The following LHFPL2 variants were observed in gnomAD, a reference collection of about 807,000 sequenced individuals.
The protein encoded by LHFPL2 is LHFPL tetraspan subfamily member 2 protein.
LHFPL2 carries 7 observed loss-of-function variants against 17.5 expected under a neutral mutation model. That is an observed-to-expected ratio of 0.40 (90% confidence interval 0.23 to 0.75). The LOEUF (loss-of-function observed/expected upper bound fraction) is 0.75, where lower values mean the gene tolerates loss of function less well. Among genes scored for constraint, LHFPL2 ranks in the 30% least tolerant of loss-of-function variants. The pLI, the probability that LHFPL2 is intolerant of heterozygous loss-of-function variation, is 0.37. For missense variants in LHFPL2, 241 were observed against 294.8 expected (o/e 0.82, Z 1.34); for synonymous variants, 134 against 116.2 (o/e 1.15, Z -0.99).
intron 4 of LHFPL2, among the ~76,000 whole-genome samples, chr5:78,498,792 G>A (rs1443008367): frequency 3.3e-5 from 5 of 152,168 alleles, no homozygotes; most frequent in Admixed American, 6.5e-5. Context: ...AATGTCTTGG[G>A]TAAAAATAAT....
At chr5:78,608,699 G>A (rs1272677453) in intron 2 of LHFPL2, among the ~76,000 whole-genome samples, 8 of 152,086 alleles carry the variant, frequency 5.3e-5, no homozygotes, top group African/African-American at 9.7e-5. Context: ...TTGGGAGGCC[G>A]AGGGAGGTGG....
intron 3 of LHFPL2, among the ~76,000 whole-genome samples, chr5:78,545,800 C>T (rs1004778362): frequency 6.6e-6 from 1 of 152,168 alleles, no homozygotes; most frequent in African/African-American, 2.4e-5. Flanking sequence ...CTAAGACACT[C>T]GCCTGAACAA....
intron 2 of LHFPL2, among the ~76,000 whole-genome samples, chr5:78,597,140 G>A (rs1476212529): frequency 6.6e-6 from 1 of 152,200 alleles, no homozygotes; most frequent in Non-Finnish European, 1.5e-5. Context: ...GTAAGGTCTG[G>A]TGGGGCTGGG....
At chr5:78,528,048 A>G (rs1755671640) in intron 3 of LHFPL2, among the ~76,000 whole-genome samples, 1 of 152,220 alleles carries the variant, frequency 6.6e-6, no homozygotes, top group Non-Finnish European at 1.5e-5. Context: ...TCTGTCTAAA[A>G]TTGGATCTCT....
At position 78,581,869 on chromosome 5, in the gene LHFPL2, C is replaced by A. The variant is rs190422603; in HGVS notation, c.-244-16998G>T. 1.8e-3 allele frequency among the ~76,000 whole-genome samples: 276 copies of A among 152,316 alleles called. 3 individuals carry two copies. The highest frequency in any genetic ancestry group is 0.012 in the Admixed American group (187 of 15,298). ...GGAATAGTTTCAGAAGGAGTGGTAC[C>A]AGTTCCTCCTTGTACCTCTGGTAGA... On this transcript the variant is annotated intron_variant, in intron 2 of 4. Transcript: ENST00000380345.
rs568595360 is a variant in LHFPL2 at position 78,549,664 on chromosome 5, C to T, written c.-186+15149G>A. On this transcript the variant is annotated intron_variant, in intron 3 of 4. Coordinates refer to ENST00000380345, the MANE Select transcript of LHFPL2 (RefSeq NM_005779.3). The stretch of plus-strand genomic sequence containing the variant: ...TTCATCAGGAGTAAGTTTATAGAGG[C>T]GGAGGAAGACCACTTTCCTGTAACA... 8.7e-4 allele frequency among the ~76,000 whole-genome samples: 133 copies of T among 152,274 alleles called. 1 individual carries two copies. Among genetic ancestry groups the T allele is most frequent in the Non-Finnish European group, 1.6e-3 (111 of 68,026 alleles).
chr5:78,562,134 C>G (rs144555190), intron 3 of LHFPL2, among the ~76,000 whole-genome samples: 282 of 152,326 alleles, frequency 1.9e-3, no homozygotes, highest in African/African-American at 6.4e-3. Context: ...AGAGGAACAC[C>G]TGCTGTTTAC....
intron 3 of LHFPL2, among the ~76,000 whole-genome samples, chr5:78,557,916 T>A (rs989389514): frequency 1.3e-5 from 2 of 152,160 alleles, no homozygotes; most frequent in African/African-American, 2.4e-5. Flanking sequence ...GACTAACGGT[T>A]CCACCCAGCA....
chr5:78,504,109 A>C (rs562827596), intron 4 of LHFPL2, among the ~76,000 whole-genome samples: 24 of 152,306 alleles, frequency 1.6e-4, no homozygotes, highest in African/African-American at 5.8e-4. Context: ...TCAGACACGG[A>C]ACTGTTGGAC....
chr5:78,611,420 T>G (rs1744419582), intron 2 of LHFPL2, among the ~76,000 whole-genome samples: 1 of 152,204 alleles, frequency 6.6e-6, no homozygotes, highest in African/African-American at 2.4e-5. Flanking sequence ...CCTATGAGGT[T>G]TCTGGGCTCC....
rs531939504 is a variant in LHFPL2, at chr5:78,535,495, CT to C, written c.-185-25098del. ...GAGAGCAAAGACGACCTAGGACCCC[CT>C]CTCCCACCAGAGCCACACAAAGCCA... On this transcript the variant is annotated intron_variant, in intron 3 of 4. Transcript: ENST00000380345. Among the ~76,000 whole-genome samples, 133 of 152,288 alleles carry C rather than the reference CT, an allele frequency of 8.7e-4. 1 individual carries two copies. Among genetic ancestry groups the C allele is most frequent in the Middle Eastern group, 3.4e-3 (1 of 294 alleles).
chr5:78,533,282 C>A lies in LHFPL2; in HGVS notation c.-185-22884G>T, dbSNP rs983441018. Among the ~76,000 whole-genome samples the A allele has an allele frequency of 7.2e-5, 11 of 152,280 alleles. No individual in the cohort carries two copies. In the East Asian group the frequency reaches 1.7e-3, roughly 24 times the overall value. On this transcript the variant is annotated intron_variant, in intron 3 of 4. Coordinates refer to ENST00000380345, the MANE Select transcript of LHFPL2 (RefSeq NM_005779.3). ...AGGCTGAGGAGCACTGAACATTGAG[C>A]CTTCACCGTAAGATGTTTTTAAAGA...
At chr5:78,530,844 T>C (rs772297943) in intron 3 of LHFPL2, among the ~76,000 whole-genome samples, 19 of 152,220 alleles carry the variant, frequency 1.2e-4, no homozygotes, top group African/African-American at 7.2e-5. Flanking sequence ...GAATGCCCCA[T>C]AGCCCCTGCC....
intron 2 of LHFPL2, among the ~76,000 whole-genome samples, chr5:78,565,258 A>C (rs1400518024): frequency 6.6e-6 from 1 of 152,222 alleles, no homozygotes. Flanking sequence ...AAAATACAAA[A>C]TTGTGACTGA....
chr5:78,527,226 T>G (rs767617003), intron 3 of LHFPL2, among the ~76,000 whole-genome samples: 5 of 152,094 alleles, frequency 3.3e-5, no homozygotes, highest in Non-Finnish European at 7.4e-5. Flanking sequence ...CTGGGAAGAT[T>G]AACATGGGGC....
At chr5:78,500,008 C>A (rs1754722614) in intron 4 of LHFPL2, among the ~76,000 whole-genome samples, 2 of 133,716 alleles carry the variant, frequency 1.5e-5, no homozygotes, top group Admixed American at 7.6e-5. Context: ...CAGCACCAAA[C>A]CCACTGGACC....
In LHFPL2 at chr5:78,488,723, T is replaced by C; in HGVS notation, c.*174A>G. On this transcript the variant is annotated 3_prime_UTR_variant, in exon 5 of 5. Coordinates refer to ENST00000380345, the MANE Select transcript of LHFPL2 (RefSeq NM_005779.3). ...CTTATAATGTGCACTGCAGACCGCATGTCCAGTAACTTTGCGTAGCTGGAT... is the reference window on the plus strand; with the variant it reads ...CTTATAATGTGCACTGCAGACCGCACGTCCAGTAACTTTGCGTAGCTGGAT... The C allele has an allele frequency of 1.5e-6, 1 of 671,206 alleles. No homozygotes were observed. The highest frequency in any genetic ancestry group is 1.8e-5 in the South Asian group (1 of 55,414). 41.6% of individuals were successfully genotyped at this position (671,206 alleles called of 1,614,324 possible). A position where few individuals can be genotyped will look rare whatever the true frequency, so the allele number is the denominator to read the frequency against.
At chr5:78,491,226 A>G (rs1227291959) in intron 4 of LHFPL2, 8 of 151,358 alleles carry the variant, frequency 5.3e-5, no homozygotes, top group Admixed American at 4.6e-4. Context: ...GGGGTGGAGT[A>G]GAGGGAATCA....
At chr5:78,540,559 G>C (rs1250063840) in intron 3 of LHFPL2, among the ~76,000 whole-genome samples, 11 of 152,232 alleles carry the variant, frequency 7.2e-5, no homozygotes, top group Non-Finnish European at 1.5e-5. Flanking sequence ...AACTGGCAGA[G>C]AGGGGCCCCA....
Sources: gnomAD v4.1 joint callset for allele counts (sites outside exome capture counted in the v4.1 genomes callset) on GRCh38, gnomAD v4.1.1 for gene constraint, MANE v1.5 for transcripts, NCBI Gene and HGNC (gene_info 2026-07-23, HGNC 2026-07-21) for gene names.